The following CTNNA3 variants were observed in gnomAD, a reference collection of about 807,000 sequenced individuals.
CTNNA3 encodes the protein catenin alpha-3.
Under a neutral mutation model 95.7 loss-of-function variants are expected in CTNNA3, and 76 were observed. The ratio of observed to expected loss-of-function variants is 0.79; its 90% CI spans 0.66 to 0.96. The LOEUF is 0.96. CTNNA3 is among the 40% of genes least tolerant of loss of function. CTNNA3 has a pLI of 0.00. For synonymous variants in CTNNA3, 431 were observed against 374.4 expected (o/e 1.15, Z -1.74); for missense variants, 1,191 against 1,089.8 (o/e 1.09, Z -1.31).
chr10:67,121,798 C>T (rs984336410), intron 7 of CTNNA3, among the ~76,000 whole-genome samples: 2 of 151,736 alleles, frequency 1.3e-5, no homozygotes, highest in Non-Finnish European at 2.9e-5. Flanking sequence ...GCCCTTGTCC[C>T]ATCTAAAAGG....
At chr10:66,250,394 A>G (rs1197157444) in intron 13 of CTNNA3, among the ~76,000 whole-genome samples, 3 of 152,154 alleles carry the variant, frequency 2.0e-5, no homozygotes, top group Non-Finnish European at 4.4e-5. Context: ...ATAATAATGT[A>G]CTTGTCCATT....
intron 5 of CTNNA3, among the ~76,000 whole-genome samples, chr10:67,301,573 C>G (rs1219396323): frequency 1.3e-5 from 2 of 152,166 alleles, no homozygotes; most frequent in African/African-American, 2.4e-5. Flanking sequence ...CAGCATTATT[C>G]ACAATAGCCA....
intron 7 of CTNNA3, among the ~76,000 whole-genome samples, chr10:66,994,961 T>C (rs931299448): frequency 3.9e-5 from 6 of 152,112 alleles, no homozygotes; most frequent in Non-Finnish European, 8.8e-5. Flanking sequence ...GATGGAACTC[T>C]CCACAAGGTC....
intron 15 of CTNNA3, among the ~76,000 whole-genome samples, chr10:66,017,124 C>A (rs1455869071): frequency 2.6e-5 from 4 of 151,968 alleles, no homozygotes; most frequent in African/African-American, 9.7e-5. Context: ...CGATTTAGAC[C>A]TTTGATTGGA....
Position 67,690,786 on chromosome 10 carries a change from G to A in CTNNA3, c.-6+5214C>T, listed in dbSNP as rs964402869. Among the ~76,000 whole-genome samples the A allele has an allele frequency of 5.3e-5, 8 of 152,204 alleles. 1 individual carries two copies. The highest frequency in any genetic ancestry group is 2.6e-4 in the Admixed American group (4 of 15,284). On this transcript the variant is annotated intron_variant, in intron 1 of 17. Coordinates refer to ENST00000433211, the MANE Select transcript of CTNNA3 (RefSeq NM_013266.4). The stretch of plus-strand genomic sequence containing the variant: ...AACGCTACTCAAACTGCAGGTCTGC[G>A]ATGAGAAAAGGAGCTTGTACCAGAA...
chr10:66,500,229 A>G (rs755248116), intron 11 of CTNNA3, among the ~76,000 whole-genome samples: 14 of 152,198 alleles, frequency 9.2e-5, no homozygotes, highest in Admixed American at 2.6e-4. Context: ...AAAAATTGAT[A>G]CTAGCAAATT....
chr10:67,001,303 AAAAAAAAAAG>A (rs1473010996), intron 7 of CTNNA3, among the ~76,000 whole-genome samples: 4 of 151,094 alleles, frequency 2.6e-5, no homozygotes, highest in Admixed American at 2.6e-4. Context: ...CTGTCTAAAA[AAAAAAAAAAG>A]AAAAAAAAAG....
rs566133954 is a variant in CTNNA3 at position 67,192,900 on chromosome 10, C to T, written c.844-12380G>A. On this transcript the variant is annotated intron_variant, in intron 6 of 17. Transcript: ENST00000433211. ...AAATGGTCATATATATGTATATATA[C>T]AACCACTTACAATAGAATAGTATTC... 2.1e-4 allele frequency among the ~76,000 whole-genome samples: 32 copies of T among 152,040 alleles called. 1 individual carries two copies. In the South Asian group the frequency reaches 6.2e-3, roughly 30 times the overall value.
intron 11 of CTNNA3, among the ~76,000 whole-genome samples, chr10:66,414,875 C>T (rs975009362): frequency 6.6e-6 from 1 of 152,080 alleles, no homozygotes; most frequent in Non-Finnish European, 1.5e-5. Context: ...CTACCTGAAG[C>T]CCAGTGGTGC....
chr10:67,448,764 C>T (rs1032052641), intron 5 of CTNNA3, among the ~76,000 whole-genome samples: 3 of 149,634 alleles, frequency 2.0e-5, no homozygotes, highest in Non-Finnish European at 3.0e-5. Context: ...CTCTTTAACT[C>T]GCATAGGATT....
At chr10:66,192,261 C>T (rs1435285981) in intron 13 of CTNNA3, among the ~76,000 whole-genome samples, 1 of 152,132 alleles carries the variant, frequency 6.6e-6, no homozygotes, top group African/African-American at 2.4e-5. Flanking sequence ...CACATACATG[C>T]ATACAAATTT....
At chr10:66,067,186 CAT>C (rs1431593444) in intron 15 of CTNNA3, among the ~76,000 whole-genome samples, 3 of 152,114 alleles carry the variant, frequency 2.0e-5, no homozygotes, top group African/African-American at 4.8e-5. Flanking sequence ...AGTGATAAAA[CAT>C]AAAAATATTA....
chr10:67,551,865 GT>G (rs754883325), intron 3 of CTNNA3, among the ~76,000 whole-genome samples: 5 of 152,202 alleles, frequency 3.3e-5, no homozygotes, highest in Non-Finnish European at 7.3e-5. Context: ...CCTCAGGGAT[GT>G]TTGAAACTGG....
rs189411929 is a variant in CTNNA3 at position 66,243,574 on chromosome 10, G to A, written c.1884+36896C>T. On this transcript the variant is annotated intron_variant, in intron 13 of 17. Transcript: ENST00000433211. ...AATCCATCTATGATCTGGAAGCCCC[G>A]GCTTTGAGTTGTCCTGCCTCTCAGG... is the stretch of plus-strand genomic sequence containing the variant. Among the ~76,000 whole-genome samples, 40 of 152,150 alleles carry A rather than the reference G, an allele frequency of 2.6e-4. No homozygotes were observed. In the East Asian group the frequency reaches 5.8e-3, roughly 22 times the overall value.
At chr10:66,394,088 T>C (rs1171529508) in intron 11 of CTNNA3, among the ~76,000 whole-genome samples, 1 of 152,096 alleles carries the variant, frequency 6.6e-6, no homozygotes, top group Non-Finnish European at 1.5e-5. Flanking sequence ...GCTGAATGCA[T>C]TATAAGTTTT....
intron 13 of CTNNA3, among the ~76,000 whole-genome samples, chr10:66,237,689 C>T (rs1363539491): frequency 6.2e-4 from 94 of 151,604 alleles, no homozygotes; most frequent in Non-Finnish European, 2.9e-5. Context: ...AAAATGGCAG[C>T]AAATAAACCA....
chr10:66,098,457 T>C (rs2081489292), intron 14 of CTNNA3, among the ~76,000 whole-genome samples: 1 of 152,150 alleles, frequency 6.6e-6, no homozygotes, highest in Admixed American at 6.5e-5. Context: ...TTTTTATAAA[T>C]AAGCTACCAA....
intron 15 of CTNNA3, among the ~76,000 whole-genome samples, chr10:66,034,699 C>T (rs747901534): frequency 6.6e-6 from 1 of 152,152 alleles, no homozygotes; most frequent in African/African-American, 2.4e-5. Flanking sequence ...TAGCCACTTA[C>T]ATTCAATTTC....
intron 13 of CTNNA3, among the ~76,000 whole-genome samples, 185 bp downstream of exon 13, chr10:66,280,285 C>A (rs1258029102): frequency 1.3e-5 from 2 of 151,970 alleles, no homozygotes; most frequent in Non-Finnish European, 2.9e-5. Context: ...TAACCAAATA[C>A]ATAAGTAAAA....
Sources: allele counts gnomAD v4.1 joint callset (sites outside exome capture counted in the v4.1 genomes callset), GRCh38; gene constraint gnomAD v4.1.1; transcripts MANE v1.5; gene names NCBI Gene and HGNC (gene_info 2026-07-23, HGNC 2026-07-21).